LBR: variants seen among roughly 807,000 people sequenced by gnomAD.
LBR encodes the protein lamin B receptor.
A neutral mutation model predicts 74.3 loss-of-function variants in LBR; 28 were observed. The observed-to-expected ratio is 0.38, with a 90% CI of 0.28 to 0.52. The LOEUF is 0.52. Ranked by LOEUF, LBR falls within the 20% of genes least tolerant of loss-of-function variation. LBR has a pLI of 0.89. For synonymous variants in LBR, 228 were observed against 269.3 expected (o/e 0.85, Z 1.50); for missense variants, 717 against 760.3 (o/e 0.94, Z 0.67).
rs760209707 is a variant in LBR, at chr1:225,424,040, T to C, written c.36A>G (p.Val12=). The stretch of plus-strand genomic sequence containing the variant: ...GTGAACTCCCAGGCCATCGACCTCT[T>C]ACCACTTCACCATCGGCAAATTTCC... ...PSRKFADGEV[V]RGRWPGSSLY... The change falls in exon 2 of 14, where the codon GTA becomes GTG. Residue 12 remains valine, a synonymous_variant. Transcript: ENST00000272163. The C allele has an allele frequency of 4.3e-6, 7 of 1,614,218 alleles. No homozygotes were observed. Among genetic ancestry groups the C allele is most frequent in the Non-Finnish European group, 5.1e-6 (6 of 1,180,032 alleles).
chr1:225,420,214 G>A (rs1487506641), intron 3 of LBR, among the ~76,000 whole-genome samples: 1 of 151,478 alleles, frequency 6.6e-6, no homozygotes, highest in Non-Finnish European at 1.5e-5. Flanking sequence ...GGAAGCTGAG[G>A]CAGGAAAATC....
chr1:225,416,075 G>C (rs1483452770), intron 6 of LBR, among the ~76,000 whole-genome samples: 1 of 152,024 alleles, frequency 6.6e-6, no homozygotes. Context: ...CAAGCCTGGT[G>C]GCACGCGCCT....
chr1:225,425,296 C>A (rs1196878404), intron 1 of LBR, among the ~76,000 whole-genome samples: 5 of 152,120 alleles, frequency 3.3e-5, no homozygotes, highest in Admixed American at 3.3e-4. Context: ...TGTGAAAAAA[C>A]TTAACAAGCT....
In LBR at chr1:225,410,361, A is replaced by T. The variant is rs2096102187; in HGVS notation, c.1244T>A (p.Val415Asp). The T allele has an allele frequency of 1.2e-6, 2 of 1,614,206 alleles. No individual in the cohort carries two copies. Among genetic ancestry groups the T allele is most frequent in the Non-Finnish European group, 1.7e-6 (2 of 1,180,032 alleles). ...AACTAAAATCATGGCCAAGGATGGA[A>T]CAGCGCGGTCCTGTATTTTCATTTC... is the stretch of plus-strand genomic sequence containing the variant. ...LAEMKIQDRA[V>D]PSLAMILVNS... The change falls in exon 10 of 14, where the codon GTT becomes GAT. Residue 415 changes from valine to aspartate, a missense_variant. Val to Asp is a radical substitution (Grantham distance 152). Coordinates refer to ENST00000272163, the MANE Select transcript of LBR (RefSeq NM_002296.4).
chr1:225,406,431 T>G (rs1448420332), intron 11 of LBR: 4 of 396,454 alleles, frequency 1.0e-5, no homozygotes, highest in Non-Finnish European at 1.8e-5. Context: ...TTTATTAAAT[T>G]TAAAAGCAAG....
intron 1 of LBR, 114 bp downstream of exon 1, chr1:225,427,838 CCG>C (rs2096143454): frequency 6.6e-6 from 1 of 152,308 alleles, no homozygotes; most frequent in African/African-American, 2.4e-5. Flanking sequence ...GCGCCAGGCC[CCG>C]CGCCCAGGGT....
chr1:225,410,562 A>C (rs888651939), intron 9 of LBR, 146 bp from the exon 10 acceptor site: 2 of 790,952 alleles, frequency 2.5e-6, no homozygotes, highest in Non-Finnish European at 4.3e-6. Context: ...ACATCTCAGC[A>C]CCATGGGCCC....
At chr1:225,425,224 G>T (rs184217630) in intron 1 of LBR, among the ~76,000 whole-genome samples, 3 of 151,824 alleles carry the variant, frequency 2.0e-5, no homozygotes, top group South Asian at 4.2e-4. Flanking sequence ...TGGGAGAGTG[G>T]GGGGGGAGGC....
chr1:225,404,140 A>G (rs1051685246), intron 13 of LBR, among the ~76,000 whole-genome samples: 2 of 152,154 alleles, frequency 1.3e-5, no homozygotes, highest in Non-Finnish European at 2.9e-5. Context: ...ATTAATTTCT[A>G]TATATTCTAC....
intron 11 of LBR, among the ~76,000 whole-genome samples, chr1:225,406,225 A>G (rs549957448): frequency 2.0e-5 from 3 of 152,170 alleles, no homozygotes; most frequent in Admixed American, 2.0e-4. Context: ...TCTATCTTTA[A>G]CACCCGTCAT....
chr1:225,427,443 CA>C (rs2096141917), intron 1 of LBR: 1 of 152,804 alleles, frequency 6.5e-6, no homozygotes, highest in Non-Finnish European at 1.5e-5. Context: ...AAGCCAGTGA[CA>C]AGCAGCGCGA....
chr1:225,421,527 A>C (rs1238718326), intron 3 of LBR, among the ~76,000 whole-genome samples: 3 of 152,238 alleles, frequency 2.0e-5, no homozygotes, highest in African/African-American at 7.2e-5. Flanking sequence ...AAAAGAGGTT[A>C]ACATTAAGTG....
intron 9 of LBR, 138 bp downstream of exon 9, chr1:225,411,199 T>A (rs1382369232): frequency 1.4e-6 from 1 of 725,854 alleles, no homozygotes; most frequent in Non-Finnish European, 2.5e-6. Flanking sequence ...AAGAAAGTAT[T>A]TTGATAGATT....
intron 6 of LBR, chr1:225,417,613 A>AT (rs899531514): frequency 7.0e-5 from 14 of 198,950 alleles, no homozygotes; most frequent in Non-Finnish European, 1.3e-4. Context: ...CTAAGAGTGA[A>AT]TTTTTTTTCC....
chr1:225,418,071 C>T lies in LBR; in HGVS notation c.750G>A (p.Leu250=). ...ATACTCTGGTTTCCCATAACTCATA[C>T]AAAGCTGGCAAAGGAGGAGGGAAAT... The part of the protein sequence containing the change: ...LLNFPPPLPA[L]YELWETRVFG... Residue 250 remains leucine, a synonymous_variant, in exon 6 of 14, where the codon TTG becomes TTA. Transcript: ENST00000272163. The T allele has an allele frequency of 1.2e-6, 2 of 1,614,142 alleles. No individual in the cohort carries two copies. Among genetic ancestry groups the T allele is most frequent in the South Asian group, 2.2e-5 (2 of 91,084 alleles).
chr1:225,422,311 A>G (rs2096129124), intron 2 of LBR, 34 bp from the exon 3 acceptor site: 1 of 1,529,966 alleles, frequency 6.5e-7, no homozygotes, highest in African/African-American at 1.4e-5. Context: ...GAGCTTTACC[A>G]CAAATCATAA....
intron 13 of LBR, among the ~76,000 whole-genome samples, chr1:225,404,061 CTCTT>C (rs941432715): frequency 2.6e-5 from 4 of 152,078 alleles, no homozygotes; most frequent in Non-Finnish European, 5.9e-5. Flanking sequence ...AAAACAGAAT[CTCTT>C]TCTCTTCTTA....
intron 10 of LBR, among the ~76,000 whole-genome samples, chr1:225,408,057 G>C (rs2096096269): frequency 6.6e-6 from 1 of 152,116 alleles, no homozygotes; most frequent in Non-Finnish European, 1.5e-5. Context: ...TATCCTTCTA[G>C]CTATTTGAAA....
At chr1:225,404,369 A>C (rs2096087102) in intron 13 of LBR, 35 bp downstream of exon 13, 1 of 1,613,082 alleles carries the variant, frequency 6.2e-7, no homozygotes, top group East Asian at 2.2e-5. Flanking sequence ...CTGGCGGCTA[A>C]AAGGGTCAAA....
Sources: allele counts gnomAD v4.1 joint callset (sites outside exome capture counted in the v4.1 genomes callset), GRCh38; gene constraint gnomAD v4.1.1; transcripts MANE v1.5; gene names NCBI Gene and HGNC (gene_info 2026-07-23, HGNC 2026-07-21).